The following SURF2 variants were observed in gnomAD, a reference collection of about 807,000 sequenced individuals.
SURF2 encodes surfeit 2.
In SURF2, 32 loss-of-function variants were observed where a neutral mutation model predicts 26.2. The observed-to-expected ratio is 1.22, with a 90% CI of 0.92 to 1.64. The LOEUF (loss-of-function observed/expected upper bound fraction) is 1.64. SURF2 is among the 40% of genes most tolerant of loss of function. The pLI, the probability that SURF2 is intolerant of heterozygous loss-of-function variation, is 0.00. For synonymous variants in SURF2, 173 were observed against 139.1 expected, an observed-to-expected ratio of 1.24 and a Z score of -1.71; for missense variants, 415 against 341.6, an observed-to-expected ratio of 1.21 and a Z score of -1.69.
intron 4 of SURF2, 63 bp downstream of exon 4, chr9:133,360,192 G>A (rs144571365): frequency 5.1e-5 from 81 of 1,593,010 alleles, no homozygotes; most frequent in Middle Eastern, 5.0e-4. Context: ...AGACTGTGGT[G>A]CTGCCTCCCC....
At chr9:133,359,441 G>C (rs913879527) in intron 3 of SURF2, among the ~76,000 whole-genome samples, 2 of 152,186 alleles carry the variant, frequency 1.3e-5, no homozygotes, top group African/African-American at 4.8e-5. Flanking sequence ...CTCCAGTGAG[G>C]TCTTTCCATG....
Position 133,357,774 on chromosome 9 carries a change from GC to G in SURF2, c.298del (p.His100ThrfsTer68). The G allele has an allele frequency of 6.2e-7, 1 of 1,613,740 alleles. No individual in the cohort carries two copies. Among genetic ancestry groups the G allele is most frequent in the South Asian group, 1.1e-5 (1 of 91,088 alleles). On this transcript the variant is annotated frameshift_variant, in exon 3 of 6. Coordinates refer to ENST00000371964, the MANE Select transcript of SURF2 (RefSeq NM_017503.5). LOFTEE classifies it high-confidence loss of function. Reference sequence around the variant, plus strand: ...ACAAGTGCCCAGAACACGTGCTGAGGCACACCCAGGGCCGGCGGTACCAGCG... The same window carrying G: ...ACAAGTGCCCAGAACACGTGCTGAGGACACCCAGGGCCGGCGGTACCAGCG... ...INKCPEHVLRHTQGRRYQRAL... is the reference protein window; with the variant it reads ...INKCPEHVLRXTQGRRYQRAL...
intron 2 of SURF2, 132 bp downstream of exon 2, chr9:133,357,200 G>A (rs1836630657): frequency 9.4e-6 from 11 of 1,169,212 alleles, no homozygotes; most frequent in Non-Finnish European, 1.3e-5. Flanking sequence ...CCCGGGTGCT[G>A]GAATCACCTG....
chr9:133,361,011 T>C (rs1049361795), intron 5 of SURF2, 45 bp from the exon 6 acceptor site: 6 of 1,607,338 alleles, frequency 3.7e-6, no homozygotes, highest in Non-Finnish European at 5.1e-6. Flanking sequence ...CCCTTCTCCA[T>C]GGGATCAGAA....
At position 133,357,784 on chromosome 9, in the gene SURF2, G is replaced by A; in HGVS notation, c.307G>A (p.Gly103Ser). The A allele has an allele frequency of 4.3e-6, 7 of 1,613,694 alleles. No individual in the cohort carries two copies. The highest frequency in any genetic ancestry group is 5.9e-6 in the Non-Finnish European group (7 of 1,180,022). The change falls in exon 3 of 6, where the codon GGC (glycine) becomes AGC (serine). Residue 103 changes from glycine to serine, a missense_variant. Transcript: ENST00000371964. ...CPEHVLRHTQ[G>S]RRYQRALCKY... ...AGAACACGTGCTGAGGCACACCCAG[G>A]GCCGGCGGTACCAGCGAGCTCTGTG...
At chr9:133,357,132 C>T (rs1588695028) in intron 2 of SURF2, 64 bp downstream of exon 2, 35 of 1,434,374 alleles carry the variant, frequency 2.4e-5, no homozygotes, top group Non-Finnish European at 3.0e-5. Flanking sequence ...CGCTGGACTC[C>T]GCCAGTGCTG....
intron 5 of SURF2, 29 bp from the exon 6 acceptor site, chr9:133,361,027 C>T (rs2130056373): frequency 1.9e-6 from 3 of 1,612,470 alleles, no homozygotes; most frequent in African/African-American, 2.7e-5. Context: ...CAGAAAGGCT[C>T]AGTAATCAGA....
At chr9:133,359,924 C>G in intron 3 of SURF2, 26 bp from the exon 4 acceptor site, 3 of 1,586,256 alleles carry the variant, frequency 1.9e-6, no homozygotes, top group Non-Finnish European at 2.6e-6. Context: ...GTGGAGGTAC[C>G]CAGCACGTGC....
intron 5 of SURF2, 66 bp downstream of exon 5, chr9:133,360,500 A>T: frequency 6.9e-7 from 1 of 1,453,656 alleles, no homozygotes; most frequent in Non-Finnish European, 9.1e-7. Context: ...CCATTTGTTT[A>T]AAAAAAGAAA....
In SURF2 at chr9:133,360,336, A is replaced by G. The variant is rs2130050123; in HGVS notation, c.589A>G (p.Lys197Glu). Residue 197 changes from lysine to glutamate, a missense_variant, in exon 5 of 6, where the codon AAA (lysine) becomes GAA (glutamate). Coordinates refer to ENST00000371964, the MANE Select transcript of SURF2 (RefSeq NM_017503.5). ...GDGTDDFLTD[K>E]EDEKAKPPRE... ...TGGCACTGATGACTTTTTGACAGAC[A>G]AAGAGGATGAGAAGGCAAAGCCCCC... The G allele has an allele frequency of 6.4e-5, 103 of 1,614,174 alleles. 1 individual carries two copies. The East Asian group carries it at 1.3e-3, about 20-fold the overall frequency.
chr9:133,360,412 GGCT>G lies in SURF2; in HGVS notation c.667_669del (p.Leu223del). 1 of 1,611,452 alleles carries G rather than the reference GGCT, an allele frequency of 6.2e-7. No homozygotes were observed. Among genetic ancestry groups the G allele is most frequent in the South Asian group, 1.1e-5 (1 of 90,944 alleles). On this transcript the variant is annotated inframe_deletion, in exon 5 of 6. Transcript: ENST00000371964. ...AGGAGAGAGACGACCGTGTACCGAG[GGCT>G]GGTCCAGAAGCGCGGGAAGGTGAGC...
intron 2 of SURF2, chr9:133,357,278 C>T (rs1372843522): frequency 7.0e-6 from 4 of 569,492 alleles, no homozygotes; most frequent in South Asian, 2.7e-5. Context: ...TGGGGTGTGG[C>T]TGCTTCCCAG....
chr9:133,358,971 G>A (rs1452370660), intron 3 of SURF2, among the ~76,000 whole-genome samples: 1 of 152,218 alleles, frequency 6.6e-6, no homozygotes, highest in Non-Finnish European at 1.5e-5. Context: ...GGTTTCTCAA[G>A]TAGAAGGCGG....
At position 133,359,997 on chromosome 9, in the gene SURF2, G is replaced by T. The variant is rs2130045940; in HGVS notation, c.385G>T (p.Val129Leu). ...QGVEYVPACL[V>L]HRRRRREDQM... ...GGTGGAGTACGTGCCTGCCTGCCTG[G>T]TGCACCGGAGGAGGAGGAGGGAGGA... Residue 129 changes from valine (V) to leucine (L), a missense_variant, in exon 4 of 6, where the codon GTG becomes TTG. Transcript: ENST00000371964. 2 of 1,614,008 alleles carry T rather than the reference G, an allele frequency of 1.2e-6. No individual in the cohort carries two copies. Among genetic ancestry groups the T allele is most frequent in the East Asian group, 4.5e-5 (2 of 44,882 alleles).
chr9:133,357,203 A>G lies in SURF2; in HGVS notation c.233+135A>G, dbSNP rs1335481305. The stretch of plus-strand genomic sequence containing the variant: ...CCCAGGTGGGCGCCCGGGTGCTGGA[A>G]TCACCTGCGGTCCCAGCGGCGAGGC... On this transcript the variant is annotated intron_variant, in intron 2 of 5. Transcript: ENST00000371964. 3 of 1,146,028 alleles carry G rather than the reference A, an allele frequency of 2.6e-6. No individual in the cohort carries two copies. In the African/African-American group the frequency reaches 4.8e-5, roughly 18 times the overall value. 71.0% of individuals were successfully genotyped at this position (1,146,028 alleles called of 1,614,324 possible).
chr9:133,357,104 C>A (rs2130032879), intron 2 of SURF2, 36 bp downstream of exon 2: 3 of 1,513,084 alleles, frequency 2.0e-6, no homozygotes, highest in Admixed American at 2.1e-5. Flanking sequence ...AGGCCCAGGG[C>A]AATTAGGACA....
chr9:133,358,825 G>A (rs2130040677), intron 3 of SURF2, among the ~76,000 whole-genome samples: 8 of 152,316 alleles, frequency 5.3e-5, no homozygotes, highest in African/African-American at 1.9e-4. Flanking sequence ...GCTAAGGAGG[G>A]AAATGGACAG....
At chr9:133,358,972 T>C (rs2130041063) in intron 3 of SURF2, among the ~76,000 whole-genome samples, 2 of 152,278 alleles carry the variant, frequency 1.3e-5, no homozygotes, top group East Asian at 3.9e-4. Flanking sequence ...GTTTCTCAAG[T>C]AGAAGGCGGG....
At position 133,360,041 on chromosome 9, in the gene SURF2, G is replaced by T; in HGVS notation, c.429G>T (p.Gly143=). The part of the protein sequence containing the change: ...RRREDQMDGD[G]PRPREAFWEP... Reference sequence around the variant, plus strand: ...GGGAGGACCAGATGGACGGTGACGGGCCTCGCCCGCGGGAAGCCTTCTGGG... The same window carrying T: ...GGGAGGACCAGATGGACGGTGACGGTCCTCGCCCGCGGGAAGCCTTCTGGG... The change falls in exon 4 of 6, where the codon GGG becomes GGT. Residue 143 remains glycine, a synonymous_variant. Transcript: ENST00000371964. The T allele has an allele frequency of 1.2e-6, 2 of 1,614,082 alleles. No homozygotes were observed. Among genetic ancestry groups the T allele is most frequent in the African/African-American group, 1.3e-5 (1 of 75,062 alleles).
Sources: allele counts gnomAD v4.1 joint callset (sites outside exome capture counted in the v4.1 genomes callset), GRCh38; gene constraint gnomAD v4.1.1; transcripts MANE v1.5; gene names NCBI Gene and HGNC (gene_info 2026-07-23, HGNC 2026-07-21).